L3MBTL4: variants seen among roughly 807,000 people sequenced by gnomAD.
L3MBTL4 encodes L3MBTL histone methyl-lysine binding protein 4.
A neutral mutation model predicts 84.5 loss-of-function variants in L3MBTL4; 70 were observed. The observed-to-expected ratio is 0.83, with a 90% CI of 0.68 to 1.01. L3MBTL4 has a LOEUF of 1.01. L3MBTL4 is among the 50% of genes least tolerant of loss of function. The probability of loss-of-function intolerance (pLI) is 0.00; values close to 1 mark genes in which losing one functional copy is unlikely to be tolerated. For synonymous variants in L3MBTL4, 274 were observed against 259.8 expected, an observed-to-expected ratio of 1.05 and a Z score of -0.52; for missense variants, 715 against 754.8, an observed-to-expected ratio of 0.95 and a Z score of 0.62.
At chr18:6,341,747 C>A (rs1324543900) in intron 1 of L3MBTL4, among the ~76,000 whole-genome samples, 1 of 151,910 alleles carries the variant, frequency 6.6e-6, no homozygotes, top group Non-Finnish European at 1.5e-5. Context: ...AGACAGAAAA[C>A]TTCCCAAATC....
chr18:6,263,765 G>A (rs753125398), intron 5 of L3MBTL4, among the ~76,000 whole-genome samples, 182 bp downstream of exon 5: 2 of 152,168 alleles, frequency 1.3e-5, no homozygotes, highest in Non-Finnish European at 2.9e-5. Flanking sequence ...GGCAGGTGGC[G>A]GCGCCGGGCT....
chr18:6,022,841 G>C (rs1598461660), intron 16 of L3MBTL4, among the ~76,000 whole-genome samples: 1 of 152,200 alleles, frequency 6.6e-6, no homozygotes, highest in African/African-American at 2.4e-5. Flanking sequence ...GCACATATTT[G>C]TGCCTTCTGT....
chr18:6,175,118 G>T (rs138364220), intron 12 of L3MBTL4, among the ~76,000 whole-genome samples: 35 of 152,150 alleles, frequency 2.3e-4, no homozygotes, highest in African/African-American at 8.4e-4. Flanking sequence ...CAAAGGAAAT[G>T]AAAACTAGGC....
chr18:6,328,530 T>C (rs905304520), intron 1 of L3MBTL4, among the ~76,000 whole-genome samples: 1 of 152,202 alleles, frequency 6.6e-6, no homozygotes, highest in Non-Finnish European at 1.5e-5. Context: ...CACTGAATCA[T>C]GACAACTAGC....
intron 4 of L3MBTL4, among the ~76,000 whole-genome samples, chr18:6,290,714 G>T (rs907195448): frequency 6.6e-6 from 1 of 151,868 alleles, no homozygotes; most frequent in Non-Finnish European, 1.5e-5. Context: ...TTTTAGTAGA[G>T]ACAGGGTTTC....
chr18:5,987,749 T>A (rs997629283), intron 16 of L3MBTL4, among the ~76,000 whole-genome samples: 10 of 152,138 alleles, frequency 6.6e-5, no homozygotes, highest in Admixed American at 6.6e-4. Flanking sequence ...GAAAAAAAAA[T>A]TAAACCAGTG....
chr18:6,198,836 G>A (rs1399707249), intron 12 of L3MBTL4, among the ~76,000 whole-genome samples: 2 of 152,168 alleles, frequency 1.3e-5, no homozygotes, highest in East Asian at 1.9e-4. Flanking sequence ...ACTCAGACAT[G>A]TTCTCTTAGT....
At chr18:5,987,422 G>A (rs942027003) in intron 16 of L3MBTL4, among the ~76,000 whole-genome samples, 3 of 152,338 alleles carry the variant, frequency 2.0e-5, no homozygotes, top group East Asian at 1.9e-4. Context: ...GAATGTACTC[G>A]CAAACCCCAC....
intron 12 of L3MBTL4, among the ~76,000 whole-genome samples, chr18:6,197,842 T>C (rs1405595086): frequency 2.0e-5 from 3 of 152,250 alleles, no homozygotes; most frequent in African/African-American, 7.2e-5. Flanking sequence ...CTATCACTGC[T>C]GCCCTCGCAA....
chr18:6,067,999 G>A (rs2057454367), intron 16 of L3MBTL4, among the ~76,000 whole-genome samples: 1 of 152,010 alleles, frequency 6.6e-6, no homozygotes, highest in African/African-American at 2.4e-5. Flanking sequence ...TTAAGGATCT[G>A]ACTTTAATGT....
intron 1 of L3MBTL4, among the ~76,000 whole-genome samples, chr18:6,353,996 C>T (rs2053320874): frequency 6.6e-6 from 1 of 152,068 alleles, no homozygotes; most frequent in Non-Finnish European, 1.5e-5. Context: ...ACAAAAAGAA[C>T]AAACCTGAAG....
rs969471912 is a variant in L3MBTL4 at position 6,095,596 on chromosome 18, C to T, written c.1200-2068G>A. ...CGATCTCCTGACCTCATGATCCGCCCACCTCGGCCTCCCGAAGTGCTGGGA... is the reference window on the plus strand; with the variant it reads ...CGATCTCCTGACCTCATGATCCGCCTACCTCGGCCTCCCGAAGTGCTGGGA... On this transcript the variant is annotated intron_variant, in intron 14 of 18. Transcript: ENST00000317931. 2.0e-5 allele frequency among the ~76,000 whole-genome samples: 3 copies of T among 152,122 alleles called. No individual in the cohort carries two copies. The East Asian group carries it at 5.8e-4, about 29-fold the overall frequency.
intron 1 of L3MBTL4, among the ~76,000 whole-genome samples, chr18:6,376,831 G>A (rs2054389933): frequency 6.6e-6 from 1 of 152,166 alleles, no homozygotes; most frequent in African/African-American, 2.4e-5. Flanking sequence ...CTTGCTAATA[G>A]CTTATCATAT....
At chr18:6,047,824 A>T (rs2056687617) in intron 16 of L3MBTL4, among the ~76,000 whole-genome samples, 1 of 152,240 alleles carries the variant, frequency 6.6e-6, no homozygotes, top group African/African-American at 2.4e-5. Flanking sequence ...AGCTGGAAGC[A>T]TTCCTCTTGA....
chr18:6,043,023 C>T (rs2056468253), intron 16 of L3MBTL4, among the ~76,000 whole-genome samples: 1 of 152,074 alleles, frequency 6.6e-6, no homozygotes, highest in African/African-American at 2.4e-5. Flanking sequence ...TGAAAAGCAC[C>T]CCCATCTATT....
At chr18:6,010,361 G>A (rs1260594055) in intron 16 of L3MBTL4, among the ~76,000 whole-genome samples, 1 of 152,138 alleles carries the variant, frequency 6.6e-6, no homozygotes, top group Non-Finnish European at 1.5e-5. Context: ...ACTGTGCTGT[G>A]CCTTCAAAAT....
At chr18:6,086,117 T>C (rs1186385912) in intron 15 of L3MBTL4, among the ~76,000 whole-genome samples, 3 of 152,192 alleles carry the variant, frequency 2.0e-5, no homozygotes, top group South Asian at 2.1e-4. Context: ...ACTGCTGTAA[T>C]AATGAGAAAA....
At chr18:6,243,094 A>C (rs2146143079) in intron 7 of L3MBTL4, among the ~76,000 whole-genome samples, 200 bp downstream of exon 7, 1 of 152,368 alleles carries the variant, frequency 6.6e-6, no homozygotes, top group South Asian at 2.1e-4. Context: ...TGACCTAAAT[A>C]GTCATTTATG....
chr18:6,046,794 A>G (rs776907257), intron 16 of L3MBTL4: 2 of 761,160 alleles, frequency 2.6e-6, no homozygotes, highest in South Asian at 2.9e-5. Flanking sequence ...ACTTACCTCA[A>G]AAAGTTAGCA....
Sources: gnomAD v4.1 joint callset for allele counts (sites outside exome capture counted in the v4.1 genomes callset) on GRCh38, gnomAD v4.1.1 for gene constraint, MANE v1.5 for transcripts, NCBI Gene and HGNC (gene_info 2026-07-23, HGNC 2026-07-21) for gene names.